The following TTC27 variants were observed in gnomAD, a reference collection of about 807,000 sequenced individuals.
The protein encoded by TTC27 is tetratricopeptide repeat domain 27, also known as tetratricopeptide repeat protein 27.
In TTC27, 79 loss-of-function variants were observed where a neutral mutation model predicts 115.9. That is an observed-to-expected ratio of 0.68 (90% confidence interval 0.57 to 0.82). The LOEUF is 0.82. TTC27 is among the 40% of genes least tolerant of loss of function. The pLI is 0.00. For synonymous variants in TTC27, 401 were observed against 356.0 expected, an observed-to-expected ratio of 1.13 and a Z score of -1.42; for missense variants, 1,054 against 993.1, an observed-to-expected ratio of 1.06 and a Z score of -0.82.
At chr2:32,771,226 C>T (rs553390738) in intron 13 of TTC27, among the ~76,000 whole-genome samples, 7 of 152,268 alleles carry the variant, frequency 4.6e-5, no homozygotes, top group Admixed American at 4.6e-4. Flanking sequence ...AAAATTAGAG[C>T]CAGTATATGT....
chr2:32,761,317 A>T (rs1231262015), intron 13 of TTC27, among the ~76,000 whole-genome samples: 4 of 151,770 alleles, frequency 2.6e-5, no homozygotes, highest in African/African-American at 9.7e-5. Flanking sequence ...GCTTCTTACC[A>T]CCTCCTGTCA....
At chr2:32,724,805 G>A (rs990838093) in intron 10 of TTC27, among the ~76,000 whole-genome samples, 3 of 152,164 alleles carry the variant, frequency 2.0e-5, no homozygotes, top group Non-Finnish European at 2.9e-5. Context: ...GACAATATTT[G>A]TTACTGTATT....
chr2:32,683,020 A>G (rs1666496663), intron 9 of TTC27, among the ~76,000 whole-genome samples: 1 of 151,174 alleles, frequency 6.6e-6, no homozygotes, highest in Admixed American at 6.6e-5. Flanking sequence ...CACCTGGCTA[A>G]TTTTTTTGTG....
chr2:32,775,123 G>A (rs1669950448), intron 13 of TTC27, among the ~76,000 whole-genome samples: 3 of 152,164 alleles, frequency 2.0e-5, no homozygotes, highest in Admixed American at 2.0e-4. Context: ...TTGGACATTT[G>A]CAACCCTTGT....
At chr2:32,723,728 C>CTCCCTCCCTCCCTCCG (rs1454826952) in intron 10 of TTC27, among the ~76,000 whole-genome samples, 1 of 29,514 alleles carries the variant, frequency 3.4e-5, no homozygotes, top group African/African-American at 1.7e-4. Context: ...CCCTCCCTCC[C>CTCCCTCCCTCCCTCCG]TCCTTCCTTC....
intron 4 of TTC27, among the ~76,000 whole-genome samples, chr2:32,642,624 G>C (rs1009796449): frequency 2.6e-5 from 4 of 152,018 alleles, no homozygotes; most frequent in African/African-American, 9.7e-5. Context: ...AGAGCCAGAG[G>C]ATTTGGAAGC....
At chr2:32,666,572 C>T (rs576206587) in intron 6 of TTC27, 63 bp from the exon 7 acceptor site, 1 of 1,552,600 alleles carries the variant, frequency 6.4e-7, no homozygotes, top group South Asian at 1.2e-5. Flanking sequence ...AAATATTACT[C>T]TTCATGACTG....
chr2:32,736,811 G>A lies in TTC27; in HGVS notation c.1447G>A (p.Gly483Arg), dbSNP rs112137907. Reference protein sequence around the residue: ...VICYERAGQHGKAEEILRQEL... With the variant: ...VICYERAGQHRKAEEILRQEL... The stretch of plus-strand genomic sequence containing the variant: ...TTGTTATGAAAGAGCCGGGCAGCAC[G>A]GAAAGGTATGTAATAGTCCAATTTG... Residue 483 changes from glycine to arginine, a missense_variant, in exon 12 of 20, where the codon GGA (glycine) becomes AGA (arginine). Coordinates refer to ENST00000317907, the MANE Select transcript of TTC27 (RefSeq NM_017735.5). The A allele has an allele frequency of 1.3e-4, 205 of 1,613,480 alleles. 1 individual carries two copies. The highest frequency in any genetic ancestry group is 1.2e-4 in the Non-Finnish European group (138 of 1,179,744).
At chr2:32,661,233 G>A (rs1443281945) in intron 5 of TTC27, among the ~76,000 whole-genome samples, 2 of 152,138 alleles carry the variant, frequency 1.3e-5, no homozygotes, top group Non-Finnish European at 2.9e-5. Flanking sequence ...TTTTGCTTAG[G>A]ATTGTCTTGG....
intron 10 of TTC27, among the ~76,000 whole-genome samples, chr2:32,708,861 G>A (rs970840902): frequency 1.3e-5 from 2 of 152,104 alleles, no homozygotes; most frequent in African/African-American, 4.8e-5. Flanking sequence ...GGATACCCCT[G>A]TTGGGTATAT....
chr2:32,712,799 C>T (rs991803384), intron 10 of TTC27, among the ~76,000 whole-genome samples: 4 of 152,088 alleles, frequency 2.6e-5, no homozygotes, highest in African/African-American at 7.2e-5. Flanking sequence ...CACCTTCCTT[C>T]GCCTCCCACA....
intron 3 of TTC27, among the ~76,000 whole-genome samples, chr2:32,638,846 T>G (rs189161933): frequency 6.6e-6 from 1 of 152,302 alleles, no homozygotes; most frequent in East Asian, 1.9e-4. Context: ...TTTCATTTTT[T>G]TTTTGATACG....
chr2:32,714,206 T>C (rs1271254526), intron 10 of TTC27, among the ~76,000 whole-genome samples: 1 of 144,194 alleles, frequency 6.9e-6, no homozygotes, highest in East Asian at 2.3e-4. Flanking sequence ...TCGCCCAGGC[T>C]GGAGTGCAGT....
chr2:32,661,173 C>G (rs574499866), intron 5 of TTC27, among the ~76,000 whole-genome samples: 56 of 152,242 alleles, frequency 3.7e-4, no homozygotes, highest in African/African-American at 1.3e-3. Flanking sequence ...TTACTGTAGC[C>G]TTGCAGTATA....
intron 10 of TTC27, among the ~76,000 whole-genome samples, chr2:32,722,387 T>C (rs916866226): frequency 6.6e-6 from 1 of 152,262 alleles, no homozygotes; most frequent in Non-Finnish European, 1.5e-5. Flanking sequence ...TAGTTGCTAC[T>C]GTTTATACAG....
At chr2:32,778,985 A>T (rs1670085680) in intron 14 of TTC27, among the ~76,000 whole-genome samples, 2 of 152,228 alleles carry the variant, frequency 1.3e-5, no homozygotes, top group South Asian at 2.1e-4. Context: ...ACACTTTGGG[A>T]GGCCAAGGCC....
chr2:32,761,232 T>A (rs1669425590), intron 13 of TTC27, among the ~76,000 whole-genome samples: 1 of 152,140 alleles, frequency 6.6e-6, no homozygotes, highest in African/African-American at 2.4e-5. Flanking sequence ...TAATTCCTCT[T>A]ACCCGTATAC....
chr2:32,807,466 TTCTTA>T (rs1319841278), intron 16 of TTC27, among the ~76,000 whole-genome samples: 1 of 151,786 alleles, frequency 6.6e-6, no homozygotes, highest in Non-Finnish European at 1.5e-5. Flanking sequence ...TGTTGACTTC[TTCTTA>T]TCTTTTTATA....
intron 4 of TTC27, 64 bp downstream of exon 4, chr2:32,640,474 G>A (rs1483606566): frequency 7.4e-6 from 11 of 1,479,960 alleles, no homozygotes; most frequent in Non-Finnish European, 9.2e-6. Flanking sequence ...ACACCAGGCT[G>A]TAGATGTGTT....
Sources: gnomAD v4.1 joint callset for allele counts (sites outside exome capture counted in the v4.1 genomes callset) on GRCh38, gnomAD v4.1.1 for gene constraint, MANE v1.5 for transcripts, NCBI Gene and HGNC (gene_info 2026-07-23, HGNC 2026-07-21) for gene names.